The following TIAM2 variants were observed in gnomAD, a reference collection of about 807,000 sequenced individuals.
The protein encoded by TIAM2 is rho guanine nucleotide exchange factor TIAM2.
In TIAM2, 80 loss-of-function variants were observed where a neutral mutation model predicts 152.9. The ratio of observed to expected loss-of-function variants is 0.52; its 90% CI spans 0.44 to 0.63. The LOEUF (loss-of-function observed/expected upper bound fraction) is 0.63, where lower values mean the gene tolerates loss of function less well. Ranked by LOEUF, TIAM2 falls within the 30% of genes least tolerant of loss-of-function variation. The pLI, the probability that TIAM2 is intolerant of heterozygous loss-of-function variation, is 0.00. For missense variants in TIAM2, 1,965 were observed against 2,120.1 expected (o/e 0.93, Z 1.44); for synonymous variants, 804 against 838.0 (o/e 0.96, Z 0.70).
chr6:155,018,236 G>GAA (rs66755799), intron 1 of TIAM2, among the ~76,000 whole-genome samples: 83 of 143,062 alleles, frequency 5.8e-4, no homozygotes, highest in African/African-American at 8.6e-4. Flanking sequence ...AGACTGTCTC[G>GAA]AAAAAAAAAA....
intron 11 of TIAM2, 38 bp from the exon 12 acceptor site, chr6:155,179,340 A>T (rs1780836773): frequency 6.2e-7 from 1 of 1,601,878 alleles, no homozygotes; most frequent in Admixed American, 1.7e-5. Context: ...GTATCATAAC[A>T]TGAGATCCTC....
chr6:155,179,564 A>T, intron 12 of TIAM2, 108 bp downstream of exon 12: 2 of 975,286 alleles, frequency 2.1e-6, no homozygotes, highest in East Asian at 2.6e-5. Flanking sequence ...CATTTTCAGA[A>T]TATATGACAG....
At chr6:155,177,821 T>C (rs1485710770) in intron 10 of TIAM2, among the ~76,000 whole-genome samples, 2 of 152,210 alleles carry the variant, frequency 1.3e-5, no homozygotes, top group Non-Finnish European at 2.9e-5. Flanking sequence ...ACCAACAATG[T>C]TCTATACCAA....
chr6:155,162,613 A>G (rs576372734), intron 7 of TIAM2, among the ~76,000 whole-genome samples: 14 of 152,216 alleles, frequency 9.2e-5, no homozygotes, highest in Non-Finnish European at 1.6e-4. Context: ...GTTAGCGTAG[A>G]ACAGGAGTCA....
chr6:155,245,712 A>C lies in TIAM2; in HGVS notation c.3633A>C (p.Val1211=). ...YSGFCANHIK[V]QKVLERAKTD... ...GATTCTGTGCTAACCATATCAAAGT[A>C]CAGAAGGTTCTGGAGCGAGGTAAGT... Residue 1211 remains valine, a synonymous_variant, in exon 19 of 27, where the codon GTA becomes GTC. Coordinates refer to ENST00000682666, the MANE Select transcript of TIAM2 (RefSeq NM_012454.4). The C allele has an allele frequency of 6.2e-7, 1 of 1,609,340 alleles. No individual in the cohort carries two copies. Among genetic ancestry groups the C allele is most frequent in the Non-Finnish European group, 8.5e-7 (1 of 1,177,738 alleles).
intron 1 of TIAM2, among the ~76,000 whole-genome samples, chr6:155,047,744 AGCGAGC>A (rs1777229906): frequency 7.4e-6 from 1 of 135,384 alleles, no homozygotes; most frequent in African/African-American, 2.8e-5. Context: ...AGAGAGAGAG[AGCGAGC>A]GCACAGAAGA....
chr6:155,193,528 G>A (rs1247771236), intron 14 of TIAM2, among the ~76,000 whole-genome samples: 1 of 152,152 alleles, frequency 6.6e-6, no homozygotes, highest in East Asian at 1.9e-4. Context: ...ATACCGTCAG[G>A]CTCATTTTGT....
intron 15 of TIAM2, among the ~76,000 whole-genome samples, chr6:155,230,974 A>T (rs1782449133): frequency 6.6e-6 from 1 of 150,826 alleles, no homozygotes; most frequent in South Asian, 2.1e-4. Context: ...CTGGGATTAC[A>T]GGTGTGTGCC....
Position 155,256,861 on chromosome 6 carries a change from G to A in TIAM2, c.4846G>A (p.Gly1616Ser), listed in dbSNP as rs370846466. The A allele has an allele frequency of 6.8e-6, 11 of 1,614,202 alleles. No individual in the cohort carries two copies. The African/African-American group carries it at 1.1e-4, about 16-fold the overall frequency. Residue 1616 changes from glycine (G) to serine (S), a missense_variant, in exon 27 of 27, where the codon GGT becomes AGT. This residue lies in a region of TIAM2 where 935 missense variants were observed against 980.0 expected (regional missense o/e 0.95). Transcript: ENST00000682666. ...EAEQQPGPES[G>S]EGQKGGEQPK... is the part of the protein sequence containing the mutation. ...TGAGCAGCAGCCTGGCCCGGAGTCGGGTGAGGGTCAGAAAGGAGGAGAGCA... is the reference window on the plus strand; with the variant it reads ...TGAGCAGCAGCCTGGCCCGGAGTCGAGTGAGGGTCAGAAAGGAGGAGAGCA...
intron 11 of TIAM2, 99 bp from the exon 12 acceptor site, chr6:155,179,279 C>G: frequency 1.4e-6 from 2 of 1,448,686 alleles, no homozygotes; most frequent in Non-Finnish European, 1.9e-6. Flanking sequence ...TAAACGGTAT[C>G]TTAACAGCTT....
At chr6:155,145,072 C>A (rs17085997) in intron 6 of TIAM2, among the ~76,000 whole-genome samples, 2 of 152,128 alleles carry the variant, frequency 1.3e-5, no homozygotes, top group African/African-American at 4.8e-5. Context: ...CCTGGAGTAG[C>A]TGGCGATCTA....
At chr6:155,207,893 G>A (rs1048292339) in intron 14 of TIAM2, among the ~76,000 whole-genome samples, 3 of 152,164 alleles carry the variant, frequency 2.0e-5, no homozygotes, top group Non-Finnish European at 4.4e-5. Flanking sequence ...CAGTGTTTAA[G>A]TTCCAAAATC....
chr6:155,106,425 T>TA (rs1054411825), intron 2 of TIAM2, among the ~76,000 whole-genome samples: 2 of 152,172 alleles, frequency 1.3e-5, no homozygotes, highest in African/African-American at 2.4e-5. Context: ...TCATTTTTAA[T>TA]AAAAAAGCAC....
chr6:155,008,861 G>C (rs1423683009), intron 1 of TIAM2, among the ~76,000 whole-genome samples: 1 of 152,190 alleles, frequency 6.6e-6, no homozygotes, highest in Admixed American at 6.5e-5. Context: ...TGATGTGTTT[G>C]TGTTTTCAGT....
At chr6:155,140,538 C>A (rs909772900) in intron 5 of TIAM2, among the ~76,000 whole-genome samples, 3 of 115,478 alleles carry the variant, frequency 2.6e-5, no homozygotes. Flanking sequence ...GACTGGGAGG[C>A]AGGGTGACTG....
At chr6:155,040,270 GAAT>G (rs2114905162) in intron 1 of TIAM2, among the ~76,000 whole-genome samples, 1 of 152,248 alleles carries the variant, frequency 6.6e-6, no homozygotes, top group African/African-American at 2.4e-5. Context: ...TCAGGGTTTA[GAAT>G]AATCTCATTA....
intron 15 of TIAM2, among the ~76,000 whole-genome samples, chr6:155,225,782 T>A (rs750633953): frequency 2.6e-5 from 4 of 152,184 alleles, no homozygotes; most frequent in Non-Finnish European, 5.9e-5. Flanking sequence ...CTTATATAAA[T>A]AAAGATAGGT....
intron 1 of TIAM2, among the ~76,000 whole-genome samples, chr6:155,021,646 C>T (rs1252987798): frequency 6.6e-6 from 1 of 152,162 alleles, no homozygotes; most frequent in Non-Finnish European, 1.5e-5. Flanking sequence ...CAACCGTGCA[C>T]AAGGGTTCTG....
At position 155,240,583 on chromosome 6, in the gene TIAM2, C is replaced by T. The variant is rs757969366; in HGVS notation, c.3222C>T (p.Asn1074=). ...LCRSFNDSQA[N]GMEGPRENQD... ...GGAGTTTTAACGACAGTCAGGCCAACGGCATGGAAGGACCGCGGGAGAATC... is the reference window on the plus strand; with the variant it reads ...GGAGTTTTAACGACAGTCAGGCCAATGGCATGGAAGGACCGCGGGAGAATC... The change falls in exon 16 of 27, where the codon AAC becomes AAT. Residue 1074 remains asparagine, a synonymous_variant. Coordinates refer to ENST00000682666, the MANE Select transcript of TIAM2 (RefSeq NM_012454.4). 2.2e-5 allele frequency: 35 copies of T among 1,614,030 alleles called. No individual in the cohort carries two copies. The East Asian group carries it at 3.1e-4, about 14-fold the overall frequency.
Sources: gnomAD v4.1 joint callset for allele counts (sites outside exome capture counted in the v4.1 genomes callset) on GRCh38, gnomAD v4.1.1 for gene constraint, gnomAD v4.1.1 regional missense constraint, MANE v1.5 for transcripts, NCBI Gene and HGNC (gene_info 2026-07-23, HGNC 2026-07-21) for gene names.